The following PRKCB variants were observed in gnomAD, a reference collection of about 807,000 sequenced individuals.
PRKCB encodes protein kinase C beta type.
In PRKCB, 13 loss-of-function variants were observed where a neutral mutation model predicts 81.5. The ratio of observed to expected loss-of-function variants is 0.16; its 90% confidence interval spans 0.10 to 0.25. The LOEUF (loss-of-function observed/expected upper bound fraction) is 0.25, where lower values mean the gene tolerates loss of function less well. PRKCB is among the 10% of genes least tolerant of loss of function. The pLI is 1.00. For synonymous variants in PRKCB, 335 were observed against 321.4 expected, an observed-to-expected ratio of 1.04 and a Z score of -0.45; for missense variants, 509 against 875.7, an observed-to-expected ratio of 0.58 and a Z score of 5.29.
intron 2 of PRKCB, chr16:23,893,363 C>T (rs1178500067): frequency 3.9e-5 from 6 of 152,190 alleles, no homozygotes; most frequent in Non-Finnish European, 8.8e-5. Flanking sequence ...AGCTGTGCTG[C>T]CAAGCACCAT....
intron 2 of PRKCB, among the ~76,000 whole-genome samples, chr16:23,969,493 G>A (rs1280179758): frequency 1.3e-5 from 2 of 152,186 alleles, no homozygotes; most frequent in African/African-American, 4.8e-5. Context: ...GCCACTGACA[G>A]TCAAGTTACT....
At chr16:23,949,327 C>T (rs1173000760) in intron 2 of PRKCB, among the ~76,000 whole-genome samples, 1 of 152,220 alleles carries the variant, frequency 6.6e-6, no homozygotes, top group Non-Finnish European at 1.5e-5. Context: ...GCCTCAAGCT[C>T]AGAAACTGGT....
chr16:24,004,994 G>A (rs1379552001), intron 3 of PRKCB, among the ~76,000 whole-genome samples: 1 of 152,126 alleles, frequency 6.6e-6, no homozygotes, highest in African/African-American at 2.4e-5. Flanking sequence ...ATATATTACA[G>A]TCATATGGTG....
intron 7 of PRKCB, chr16:24,111,279 G>T (rs928593367): frequency 2.6e-5 from 4 of 152,232 alleles, no homozygotes; most frequent in African/African-American, 9.6e-5. Context: ...TGCGTAAGAA[G>T]ATTCGTGAAT....
chr16:24,043,686 G>A (rs958591460), intron 5 of PRKCB, among the ~76,000 whole-genome samples: 6 of 152,042 alleles, frequency 3.9e-5, no homozygotes, highest in African/African-American at 1.4e-4. Context: ...CTTCTTCCCT[G>A]GTCATTTAAG....
chr16:24,006,928 GA>G (rs2141834578), intron 3 of PRKCB, among the ~76,000 whole-genome samples: 1 of 152,332 alleles, frequency 6.6e-6, no homozygotes, highest in East Asian at 1.9e-4. Context: ...AGATTGCAGA[GA>G]GATTGGATGA....
chr16:23,903,284 T>C (rs374748478), intron 2 of PRKCB, among the ~76,000 whole-genome samples: 5 of 140,036 alleles, frequency 3.6e-5, no homozygotes, highest in African/African-American at 1.1e-4. Flanking sequence ...TGTGTGTGTG[T>C]GCACCCACGT....
chr16:23,884,893 A>G (rs1428005166), intron 2 of PRKCB, among the ~76,000 whole-genome samples: 1 of 132,574 alleles, frequency 7.5e-6, no homozygotes, highest in Non-Finnish European at 1.6e-5. Flanking sequence ...TCATGCGATC[A>G]TTTAGTTGTT....
In PRKCB at chr16:23,882,021, TCTTCCTTCCTTC is replaced by T. The variant is rs1159121217; in HGVS notation, c.205+44640_205+44651del. Among the ~76,000 whole-genome samples the T allele has an allele frequency of 3.2e-4, 18 of 55,588 alleles. 1 individual carries two copies. The highest frequency in any genetic ancestry group is 9.5e-4 in the African/African-American group (16 of 16,846). The allele number at this position is 55,588 out of a possible 152,430, so 36.5% of individuals were successfully genotyped here. ...TTCTTTCTTTCTTTCTTTCTTTCTT[TCTTCCTTCCTTC>T]CTTCCTTCCTTCCTTCCTTCCTTCT... On this transcript the variant is annotated intron_variant, in intron 2 of 16. Coordinates refer to ENST00000643927, the MANE Select transcript of PRKCB (RefSeq NM_002738.7).
At chr16:23,971,703 A>G (rs1234174356) in intron 2 of PRKCB, among the ~76,000 whole-genome samples, 2 of 152,016 alleles carry the variant, frequency 1.3e-5, no homozygotes, top group African/African-American at 4.8e-5. Flanking sequence ...ACGTCATTTC[A>G]TGGGACTATA....
intron 2 of PRKCB, among the ~76,000 whole-genome samples, chr16:23,946,891 C>T (rs1275152812): frequency 2.0e-5 from 3 of 150,452 alleles, no homozygotes; most frequent in Non-Finnish European, 4.4e-5. Flanking sequence ...GGTCTTGTGC[C>T]GTCATCCAGG....
At chr16:23,972,320 C>T (rs1964568646) in intron 2 of PRKCB, among the ~76,000 whole-genome samples, 1 of 152,096 alleles carries the variant, frequency 6.6e-6, no homozygotes, top group African/African-American at 2.4e-5. Context: ...TTTGGTGGTA[C>T]ATGCGTATAA....
chr16:23,908,897 G>A (rs550114756), intron 2 of PRKCB, among the ~76,000 whole-genome samples: 1 of 152,216 alleles, frequency 6.6e-6, no homozygotes, highest in South Asian at 2.1e-4. Context: ...AAAAGGAAGA[G>A]AGTGAAGAAC....
intron 8 of PRKCB, among the ~76,000 whole-genome samples, chr16:24,120,313 T>G (rs747625542): frequency 8.5e-5 from 13 of 152,214 alleles, no homozygotes; most frequent in Non-Finnish European, 1.5e-5. Flanking sequence ...ACTGTGCACG[T>G]GAGATTGGTG....
intron 2 of PRKCB, among the ~76,000 whole-genome samples, chr16:23,886,973 C>T (rs907624330): frequency 2.6e-5 from 4 of 152,094 alleles, no homozygotes; most frequent in Non-Finnish European, 5.9e-5. Flanking sequence ...GGGCCATGGG[C>T]GTCTTTCCAC....
intron 16 of PRKCB, among the ~76,000 whole-genome samples, chr16:24,206,453 G>A (rs570396979): frequency 1.4e-4 from 21 of 152,296 alleles, no homozygotes; most frequent in African/African-American, 4.8e-4. Context: ...GATGGAGGCT[G>A]GGCAGGTAGC....
chr16:24,201,451 T>C (rs77342290), intron 16 of PRKCB, among the ~76,000 whole-genome samples: 6,683 of 152,250 alleles, frequency 0.044, 504 homozygotes, highest in African/African-American at 0.15. Context: ...TCCCAATTTA[T>C]GTCCCATTAT....
At chr16:24,056,992 C>T (rs1007558070) in intron 5 of PRKCB, among the ~76,000 whole-genome samples, 2 of 152,144 alleles carry the variant, frequency 1.3e-5, no homozygotes, top group Non-Finnish European at 2.9e-5. Context: ...CAGATTCAAA[C>T]GTGTCTTTCC....
At chr16:23,862,615 G>A (rs926589120) in intron 2 of PRKCB, among the ~76,000 whole-genome samples, 2 of 152,108 alleles carry the variant, frequency 1.3e-5, no homozygotes, top group Non-Finnish European at 2.9e-5. Context: ...TTCGTTGAGA[G>A]TTTTTACTTG....
Sources: allele counts gnomAD v4.1 joint callset (sites outside exome capture counted in the v4.1 genomes callset), GRCh38; gene constraint gnomAD v4.1.1; transcripts MANE v1.5; gene names NCBI Gene and HGNC (gene_info 2026-07-23, HGNC 2026-07-21).